Variants in PCDHA13 observed in about 807,000 individuals in gnomAD.
PCDHA13 encodes the protein protocadherin alpha-13.
In PCDHA13, 54 loss-of-function variants were observed where a neutral mutation model predicts 64.8. The observed-to-expected ratio is 0.83, with a 90% CI of 0.67 to 1.04. The LOEUF is 1.04. Ranked by LOEUF, PCDHA13 falls within the 50% of genes least tolerant of loss-of-function variation. The pLI is 0.00. For synonymous variants in PCDHA13, 587 were observed against 564.4 expected (o/e 1.04, Z -0.57); for missense variants, 1,248 against 1,254.3 (o/e 0.99, Z 0.08).
intron 1 of PCDHA13, among the ~76,000 whole-genome samples, chr5:140,906,130 C>T (rs1554192409): frequency 6.6e-6 from 1 of 152,112 alleles, no homozygotes; most frequent in African/African-American, 2.4e-5. Flanking sequence ...AAATGTTAGT[C>T]TCCTTTGATA....
intron 1 of PCDHA13, among the ~76,000 whole-genome samples, chr5:140,951,313 T>C (rs1554219855): frequency 1.3e-5 from 2 of 152,194 alleles, no homozygotes; most frequent in Non-Finnish European, 2.9e-5. Flanking sequence ...TAATGTGTTA[T>C]TCTTGAGATT....
In PCDHA13 at chr5:140,983,247, G is replaced by A. The variant is rs112993813; in HGVS notation, c.2542+684G>A. ...ACTTTCAGGAAAGAGAACCTGCTAA[G>A]TTGTGTAAAAAACCTAATGGCTGGG... On this transcript the variant is annotated intron_variant, in intron 3 of 3. Coordinates refer to ENST00000289272, the MANE Select transcript of PCDHA13 (RefSeq NM_018904.3). Among the ~76,000 whole-genome samples the A allele has an allele frequency of 9.0e-3, 1,377 of 152,306 alleles. 16 individuals are homozygous for A. The highest frequency in any genetic ancestry group is 0.043 in the East Asian group (224 of 5,190).
At chr5:140,949,009 G>A (rs1563235030) in intron 1 of PCDHA13, among the ~76,000 whole-genome samples, 1 of 151,574 alleles carries the variant, frequency 6.6e-6, no homozygotes, top group Non-Finnish European at 1.5e-5. Context: ...ATTTTTATAT[G>A]TGATGTTTTT....
At chr5:140,887,494 CT>C (rs1439502451) in intron 1 of PCDHA13, among the ~76,000 whole-genome samples, 1 of 152,128 alleles carries the variant, frequency 6.6e-6, no homozygotes, top group Non-Finnish European at 1.5e-5. Flanking sequence ...TGCATAGTTT[CT>C]AATAAGATGT....
At chr5:140,954,947 T>G (rs2153704420) in intron 1 of PCDHA13, among the ~76,000 whole-genome samples, 1 of 152,360 alleles carries the variant, frequency 6.6e-6, no homozygotes, top group South Asian at 2.1e-4. Flanking sequence ...AGTTAATTTT[T>G]GTATAAGATG....
intron 1 of PCDHA13, among the ~76,000 whole-genome samples, chr5:140,945,439 A>G (rs1291434553): frequency 6.6e-6 from 1 of 152,188 alleles, no homozygotes; most frequent in Non-Finnish European, 1.5e-5. Flanking sequence ...TTACAGAAAT[A>G]TAAAAAACTT....
rs555838945 is a variant in PCDHA13, at chr5:140,927,094, G to A, written c.2394+42432G>A. On this transcript the variant is annotated intron_variant, in intron 1 of 3. Coordinates refer to ENST00000289272, the MANE Select transcript of PCDHA13 (RefSeq NM_018904.3). ...CAGCCACCGCGAGCTCTACTTCGGG[G>A]TGGATCTACCCAGCGGCAATTTGGT... 5 of 1,612,890 alleles carry A rather than the reference G, an allele frequency of 3.1e-6. No homozygotes were observed. In the Admixed American group the frequency reaches 8.3e-5, roughly 27 times the overall value.
intron 1 of PCDHA13, among the ~76,000 whole-genome samples, chr5:140,910,110 G>A (rs964418352): frequency 6.6e-6 from 1 of 152,194 alleles, no homozygotes; most frequent in South Asian, 2.1e-4. Flanking sequence ...TCATTTAAGG[G>A]ATTCTAGGTC....
At chr5:141,004,412 A>G (rs2098165544) in intron 3 of PCDHA13, among the ~76,000 whole-genome samples, 1 of 152,164 alleles carries the variant, frequency 6.6e-6, no homozygotes, top group South Asian at 2.1e-4. Flanking sequence ...ACCTGACTAG[A>G]TCTCTGCCTC....
At position 140,886,849 on chromosome 5, in the gene PCDHA13, A is replaced by G. The variant is rs541841964; in HGVS notation, c.2394+2187A>G. ...CTTGAAAAAAAAAAAAAAAAAAAAG[A>G]AAGGTCTTCCCAACTCCTATATTGA... On this transcript the variant is annotated intron_variant, in intron 1 of 3. Coordinates refer to ENST00000289272, the MANE Select transcript of PCDHA13 (RefSeq NM_018904.3). Among the ~76,000 whole-genome samples, 4 of 150,006 alleles carry G rather than the reference A, an allele frequency of 2.7e-5. No homozygotes were observed. The East Asian group carries it at 7.8e-4, about 29-fold the overall frequency.
intron 1 of PCDHA13, among the ~76,000 whole-genome samples, chr5:140,977,055 A>T (rs1220462981): frequency 1.3e-5 from 2 of 152,234 alleles, no homozygotes; most frequent in African/African-American, 4.8e-5. Flanking sequence ...CTGATGGACT[A>T]GTATAGAAAA....
chr5:141,009,809 G>T lies in PCDHA13; in HGVS notation c.2725G>T (p.Asp909Tyr), dbSNP rs782057926. The T allele has an allele frequency of 6.2e-7, 1 of 1,613,834 alleles. No homozygotes were observed. Among genetic ancestry groups the T allele is most frequent in the Non-Finnish European group, 8.5e-7 (1 of 1,180,010 alleles). ...GCAGGAGCCTACTAACAGCCAAATT[G>T]ACAAAAGTGACTTCATAACCTTCGG... ...IRQEPTNSQI[D>Y]KSDFITFGKK... The change falls in exon 4 of 4, where the codon GAC becomes TAC. Residue 909 changes from aspartate to tyrosine, a missense_variant. Physicochemically the swap from Asp to Tyr is radical, Grantham distance 160 (BLOSUM62 -3). Coordinates refer to ENST00000289272, the MANE Select transcript of PCDHA13 (RefSeq NM_018904.3).
intron 1 of PCDHA13, among the ~76,000 whole-genome samples, chr5:140,940,086 A>G (rs373629874): frequency 6.6e-6 from 1 of 152,214 alleles, no homozygotes; most frequent in African/African-American, 2.4e-5. Flanking sequence ...TTTCTGCTAA[A>G]TTGAAACTTT....
intron 1 of PCDHA13, among the ~76,000 whole-genome samples, chr5:140,946,631 T>TATATATATATATATATATACACAC (rs57893927): frequency 7.6e-6 from 1 of 131,846 alleles, no homozygotes; most frequent in South Asian, 2.2e-4. Context: ...TATATATATA[T>TATATATATATATATATATACACAC]ACAATGGAAT....
At chr5:140,994,657 A>G (rs2097643468) in intron 3 of PCDHA13, among the ~76,000 whole-genome samples, 1 of 152,166 alleles carries the variant, frequency 6.6e-6, no homozygotes, top group Non-Finnish European at 1.5e-5. Flanking sequence ...GTGAGCTGAG[A>G]TCACACTACT....
chr5:140,917,999 A>T (rs1292582356), intron 1 of PCDHA13, among the ~76,000 whole-genome samples: 2 of 152,162 alleles, frequency 1.3e-5, no homozygotes, highest in African/African-American at 4.8e-5. Context: ...GGTTATCTTA[A>T]CAATGTTGTT....
intron 3 of PCDHA13, among the ~76,000 whole-genome samples, chr5:141,000,386 T>A (rs1394092081): frequency 5.6e-4 from 37 of 66,542 alleles, no homozygotes; most frequent in African/African-American, 2.4e-3. Flanking sequence ...TCTCTCTCTC[T>A]CTCTCTCTCT....
intron 1 of PCDHA13, chr5:140,969,627 G>A: frequency 1.5e-6 from 1 of 664,866 alleles, no homozygotes; most frequent in Non-Finnish European, 2.5e-6. Flanking sequence ...AGAGAAACAG[G>A]ACAGGCCTTG....
intron 2 of PCDHA13, among the ~76,000 whole-genome samples, chr5:140,980,573 T>G (rs1040024915): frequency 6.6e-6 from 1 of 152,066 alleles, no homozygotes; most frequent in Non-Finnish European, 1.5e-5. Context: ...GAAGTTGCAG[T>G]GAGCCAAGAT....
Sources: allele counts gnomAD v4.1 joint callset (sites outside exome capture counted in the v4.1 genomes callset), GRCh38; gene constraint gnomAD v4.1.1; transcripts MANE v1.5; gene names NCBI Gene and HGNC (gene_info 2026-07-23, HGNC 2026-07-21).